The following TUSC3 variants were observed in gnomAD, a reference collection of about 807,000 sequenced individuals.
TUSC3 encodes dolichyl-diphosphooligosaccharide--protein glycosyltransferase subunit TUSC3.
Under a neutral mutation model 44.8 loss-of-function variants are expected in TUSC3, and 45 were observed. The observed-to-expected ratio is 1.00, with a 90% CI of 0.79 to 1.29. The LOEUF (loss-of-function observed/expected upper bound fraction) is 1.29. TUSC3 is among the 50% of genes most tolerant of loss of function. The probability of loss-of-function intolerance (pLI) is 0.00; values close to 1 mark genes in which losing one functional copy is unlikely to be tolerated. For missense variants in TUSC3, 519 were observed against 437.9 expected (o/e 1.19, Z -1.65); for synonymous variants, 212 against 152.9 (o/e 1.39, Z -2.85).
At chr8:15,793,543 ACT>A in the TUSC3 span, among the ~76,000 whole-genome samples, 1 of 151,778 alleles carries the variant, frequency 6.6e-6, no homozygotes, top group Non-Finnish European at 1.5e-5. Flanking sequence ...TAAAATCCCC[ACT>A]GTTATTCTGC....
chr8:15,782,749 A>T, the TUSC3 span, among the ~76,000 whole-genome samples: 1 of 152,196 alleles, frequency 6.6e-6, no homozygotes, highest in Admixed American at 6.5e-5. Flanking sequence ...ACAAAATAAA[A>T]GCCATGTATG....
chr8:15,744,452 G>A (rs1417826481), intron 8 of TUSC3, among the ~76,000 whole-genome samples: 2 of 151,914 alleles, frequency 1.3e-5, no homozygotes, highest in African/African-American at 2.4e-5. Context: ...TTGCATTTCT[G>A]AACTCTCTTT....
chr8:15,701,875 A>G (rs1809422175), intron 6 of TUSC3, among the ~76,000 whole-genome samples: 1 of 152,162 alleles, frequency 6.6e-6, no homozygotes, highest in African/African-American at 2.4e-5. Flanking sequence ...TTGGTCTGTG[A>G]GAATTTCTTG....
intron 1 of TUSC3, among the ~76,000 whole-genome samples, chr8:15,585,392 C>CTAG (rs1386327142): frequency 6.6e-6 from 1 of 152,088 alleles, no homozygotes; most frequent in Non-Finnish European, 1.5e-5. Context: ...TTCTCATGAC[C>CTAG]TAGAGAAGTA....
At chr8:15,508,670 C>G (rs142031104) in intron 2 of TUSC3, among the ~76,000 whole-genome samples, 5,339 of 152,046 alleles carry the variant, frequency 0.035, 127 homozygotes, top group East Asian at 0.1. Context: ...ACCGTGTTAG[C>G]CAGGATGGTC....
At chr8:15,469,444 A>G (rs1800455991) in intron 1 of TUSC3, among the ~76,000 whole-genome samples, 1 of 152,236 alleles carries the variant, frequency 6.6e-6, no homozygotes, top group African/African-American at 2.4e-5. Flanking sequence ...GCAAATTAAG[A>G]CAAAAGATGC....
chr8:15,779,249 A>G, the TUSC3 span, among the ~76,000 whole-genome samples: 4 of 152,134 alleles, frequency 2.6e-5, no homozygotes, highest in African/African-American at 9.7e-5. Flanking sequence ...GATAGAAACT[A>G]TATGATTGGG....
rs192942793 is a variant in TUSC3 at position 15,457,168 on chromosome 8, G to C, written n.92-26218G>C. Among the ~76,000 whole-genome samples the C allele has an allele frequency of 3.8e-4, 49 of 127,604 alleles. No homozygotes were observed. The Admixed American group carries it at 3.9e-3, about 10-fold the overall frequency. The allele number at this position is 127,604 out of a possible 152,430, so 83.7% of individuals were successfully genotyped here. On this transcript the variant is annotated intron_variant and non_coding_transcript_variant, in intron 1 of 5. Transcript: ENST00000503191. ...AAGATCACACACTGGGGCCTGTTGT[G>C]AGGTGGGGGGAGGGGGGAGGGTTAG...
intron 3 of TUSC3, among the ~76,000 whole-genome samples, chr8:15,653,292 A>C (rs10103967): frequency 0.047 from 7,199 of 152,234 alleles, 501 homozygotes; most frequent in African/African-American, 0.16. Flanking sequence ...ACATGTAGCT[A>C]GATCTCTCTC....
chr8:15,833,490 A>C, the TUSC3 span, among the ~76,000 whole-genome samples: 2 of 152,314 alleles, frequency 1.3e-5, no homozygotes, highest in African/African-American at 4.8e-5. Context: ...TGGATGAAGA[A>C]AATGTGGTAG....
the TUSC3 span, among the ~76,000 whole-genome samples, chr8:15,813,072 C>A: frequency 6.6e-6 from 1 of 151,716 alleles, no homozygotes; most frequent in Non-Finnish European, 1.5e-5. Flanking sequence ...GCGGCCTGGA[C>A]AACAGAGTAA....
chr8:15,646,544 A>T (rs945636150), intron 2 of TUSC3, among the ~76,000 whole-genome samples: 1 of 151,960 alleles, frequency 6.6e-6, no homozygotes, highest in African/African-American at 2.4e-5. Context: ...TTATTTTTTA[A>T]TTTTTTTAAA....
At chr8:15,789,440 T>C in the TUSC3 span, among the ~76,000 whole-genome samples, 2 of 152,180 alleles carry the variant, frequency 1.3e-5, no homozygotes, top group Non-Finnish European at 2.9e-5. Context: ...TGTAGGTTCA[T>C]TTATCAGCCA....
At chr8:15,792,505 C>T in the TUSC3 span, among the ~76,000 whole-genome samples, 1 of 152,184 alleles carries the variant, frequency 6.6e-6, no homozygotes. Flanking sequence ...TGAGAAGTCT[C>T]ATATGAAATT....
At chr8:15,850,795 C>G in the TUSC3 span, among the ~76,000 whole-genome samples, 2 of 152,256 alleles carry the variant, frequency 1.3e-5, no homozygotes, top group South Asian at 2.1e-4. Flanking sequence ...AATGAGTGTG[C>G]TATATATTGT....
intron 2 of TUSC3, among the ~76,000 whole-genome samples, chr8:15,494,750 C>G (rs563244515): frequency 6.6e-6 from 1 of 152,154 alleles, no homozygotes; most frequent in Non-Finnish European, 1.5e-5. Context: ...CTTTTCTGGA[C>G]TGTATTATGA....
intron 6 of TUSC3, among the ~76,000 whole-genome samples, chr8:15,684,877 G>C (rs529931534): frequency 6.6e-6 from 1 of 152,182 alleles, no homozygotes; most frequent in South Asian, 2.1e-4. Flanking sequence ...AAAACACTCA[G>C]ATGGGGCAAT....
intron 1 of TUSC3, among the ~76,000 whole-genome samples, chr8:15,564,479 C>T (rs1249886163): frequency 6.6e-6 from 1 of 152,016 alleles, no homozygotes; most frequent in South Asian, 2.1e-4. Context: ...TTTAATACCC[C>T]CTTTTGTTTG....
chr8:15,560,972 A>G (rs1180100330), intron 1 of TUSC3, among the ~76,000 whole-genome samples: 2 of 120,752 alleles, frequency 1.7e-5, no homozygotes, highest in African/African-American at 6.2e-5. Flanking sequence ...GCTGAGAGTA[A>G]TTTGATCGTC....
Sources: gnomAD v4.1 joint callset for allele counts (sites outside exome capture counted in the v4.1 genomes callset) on GRCh38, gnomAD v4.1.1 for gene constraint, MANE v1.5 for transcripts, NCBI Gene and HGNC (gene_info 2026-07-23, HGNC 2026-07-21) for gene names.